The following TMEM178B variants were observed in gnomAD, a reference collection of about 807,000 sequenced individuals.
TMEM178B encodes the protein transmembrane protein 178B.
TMEM178B carries 5 observed loss-of-function variants against 31.0 expected under a neutral mutation model. The observed-to-expected ratio is 0.16, with a 90% confidence interval of 0.08 to 0.34. The LOEUF (loss-of-function observed/expected upper bound fraction) is 0.34. Ranked by LOEUF, TMEM178B falls within the 10% of genes least tolerant of loss-of-function variation. The pLI is 1.00. For synonymous variants in TMEM178B, 164 were observed against 164.0 expected, an observed-to-expected ratio of 1.00 and a Z score of 0.00; for missense variants, 275 against 400.3, an observed-to-expected ratio of 0.69 and a Z score of 2.67.
In TMEM178B at chr7:141,238,503, A is replaced by T. The variant is rs532663814; in HGVS notation, c.496+25799A>T. 3.3e-5 allele frequency among the ~76,000 whole-genome samples: 5 copies of T among 152,310 alleles called. No individual in the cohort carries two copies. In the South Asian group the frequency reaches 1.0e-3, roughly 32 times the overall value. ...CAGGATTCTCTAAACTTTAGAAAAA[A>T]TACCTGTGCAGTTGAACTACAGTAT... On this transcript the variant is annotated intron_variant, in intron 2 of 3. Transcript: ENST00000565468.
Position 141,169,269 on chromosome 7 carries a change from C to G in TMEM178B, c.383-43322C>G, listed in dbSNP as rs555417979. 2.6e-5 allele frequency among the ~76,000 whole-genome samples: 4 copies of G among 152,316 alleles called. No individual in the cohort carries two copies. The East Asian group carries it at 5.8e-4, about 22-fold the overall frequency. The stretch of plus-strand genomic sequence containing the variant: ...GTCCATGTATTCTCATCACTTAGCT[C>G]CTGCTTATAAGTGAGAACATGTGGT... On this transcript the variant is annotated intron_variant, in intron 1 of 3. Coordinates refer to ENST00000565468, the MANE Select transcript of TMEM178B (RefSeq NM_001195278.2).
chr7:141,177,329 TC>T (rs773815307), intron 1 of TMEM178B, among the ~76,000 whole-genome samples: 19 of 152,344 alleles, frequency 1.2e-4, no homozygotes, highest in Non-Finnish European at 2.5e-4. Flanking sequence ...TGATTTCCGT[TC>T]TTTTGCGTTT....
intron 2 of TMEM178B, among the ~76,000 whole-genome samples, chr7:141,285,158 T>G (rs1264581728): frequency 2.9e-5 from 4 of 137,412 alleles, no homozygotes; most frequent in African/African-American, 8.1e-5. Flanking sequence ...TTGTTTCTTT[T>G]TTTTTTTTTT....
chr7:141,138,874 C>T (rs1795720070), intron 1 of TMEM178B, among the ~76,000 whole-genome samples: 1 of 151,640 alleles, frequency 6.6e-6, no homozygotes, highest in Non-Finnish European at 1.5e-5. Context: ...ATCCCAGCTA[C>T]TCGGGAGGCT....
intron 1 of TMEM178B, among the ~76,000 whole-genome samples, chr7:141,124,928 C>T (rs1795465354): frequency 6.6e-6 from 1 of 152,144 alleles, no homozygotes; most frequent in African/African-American, 2.4e-5. Flanking sequence ...AATCAAAAGA[C>T]AAAATTGTAA....
At chr7:141,097,755 C>A (rs567908948) in intron 1 of TMEM178B, among the ~76,000 whole-genome samples, 1 of 151,358 alleles carries the variant, frequency 6.6e-6, no homozygotes, top group Non-Finnish European at 1.5e-5. Context: ...TTCAACAAAT[C>A]GCCATTCGCT....
the TMEM178B span, among the ~76,000 whole-genome samples, chr7:141,500,486 C>G: frequency 3.5e-3 from 536 of 152,246 alleles, 6 homozygotes; most frequent in African/African-American, 0.013. Flanking sequence ...ATGGCTTCTT[C>G]TCAAAGATCC....
At chr7:141,412,288 C>G (rs539851680) in intron 2 of TMEM178B, among the ~76,000 whole-genome samples, 1 of 152,132 alleles carries the variant, frequency 6.6e-6, no homozygotes, top group Admixed American at 6.5e-5. Context: ...CAAGACACAA[C>G]GCAAGACCCT....
chr7:141,485,934 C>T, the TMEM178B span, among the ~76,000 whole-genome samples: 1 of 152,182 alleles, frequency 6.6e-6, no homozygotes, highest in Admixed American at 6.5e-5. Context: ...AATAAAGAAC[C>T]CTGCTTTAGC....
At chr7:141,361,191 G>T (rs1586912644) in intron 2 of TMEM178B, among the ~76,000 whole-genome samples, 1 of 152,174 alleles carries the variant, frequency 6.6e-6, no homozygotes, top group East Asian at 1.9e-4. Context: ...GGAATGTCCT[G>T]CCACTGGCTG....
chr7:141,497,665 C>G, the TMEM178B span, among the ~76,000 whole-genome samples: 1 of 152,210 alleles, frequency 6.6e-6, no homozygotes, highest in South Asian at 2.1e-4. Flanking sequence ...CGTGTTACAC[C>G]TGTGCCAAAT....
the TMEM178B span, among the ~76,000 whole-genome samples, chr7:141,486,302 T>C: frequency 6.6e-6 from 1 of 152,146 alleles, no homozygotes; most frequent in East Asian, 1.9e-4. Context: ...ATGGGTACAA[T>C]GTACATTATT....
chr7:141,303,505 C>G (rs964259527), intron 2 of TMEM178B, among the ~76,000 whole-genome samples: 3 of 152,208 alleles, frequency 2.0e-5, no homozygotes, highest in Non-Finnish European at 4.4e-5. Flanking sequence ...ACAGAGATGG[C>G]CTCCCCAAAC....
intron 2 of TMEM178B, among the ~76,000 whole-genome samples, chr7:141,226,007 G>A (rs1421241729): frequency 6.6e-6 from 1 of 152,156 alleles, no homozygotes; most frequent in African/African-American, 2.4e-5. Flanking sequence ...GCAATCAGGT[G>A]TGTGTGGTGT....
chr7:141,432,748 A>G (rs1310782794), intron 2 of TMEM178B, among the ~76,000 whole-genome samples: 1 of 152,104 alleles, frequency 6.6e-6, no homozygotes, highest in Non-Finnish European at 1.5e-5. Context: ...GTTTCTGCAC[A>G]CTGTTTTTCT....
intron 2 of TMEM178B, among the ~76,000 whole-genome samples, chr7:141,386,123 A>G (rs1800427551): frequency 6.6e-6 from 1 of 152,172 alleles, no homozygotes. Context: ...AAAAACAGAG[A>G]TTTTGAGGGG....
At chr7:141,247,372 T>C (rs1427294785) in intron 2 of TMEM178B, among the ~76,000 whole-genome samples, 2 of 152,154 alleles carry the variant, frequency 1.3e-5, no homozygotes, top group African/African-American at 4.8e-5. Flanking sequence ...TGGAAAATAA[T>C]GCACACTTAG....
At chr7:141,242,603 A>G (rs569636050) in intron 2 of TMEM178B, among the ~76,000 whole-genome samples, 12 of 140,936 alleles carry the variant, frequency 8.5e-5, no homozygotes, top group Non-Finnish European at 1.2e-4. Flanking sequence ...GTGCAGTGGC[A>G]TGATCCTGGC....
intron 1 of TMEM178B, among the ~76,000 whole-genome samples, chr7:141,104,167 G>T (rs1212614810): frequency 2.6e-5 from 4 of 152,182 alleles, no homozygotes; most frequent in Non-Finnish European, 5.9e-5. Context: ...GACCTCCTGA[G>T]ATGCAGGAGC....
Sources: allele counts gnomAD v4.1 joint callset (sites outside exome capture counted in the v4.1 genomes callset), GRCh38; gene constraint gnomAD v4.1.1; transcripts MANE v1.5; gene names NCBI Gene and HGNC (gene_info 2026-07-23, HGNC 2026-07-21).